Variants in ST18 observed in about 807,000 individuals in gnomAD.
The protein encoded by ST18 is suppression of tumorigenicity 18 protein.
A neutral mutation model predicts 110.0 loss-of-function variants in ST18; 50 were observed. The observed-to-expected ratio is 0.45, with a 90% confidence interval of 0.36 to 0.58. The LOEUF is 0.58. Among genes scored for constraint, ST18 ranks in the 20% least tolerant of loss-of-function variants. The pLI is 0.00. For synonymous variants in ST18, 461 were observed against 452.4 expected (o/e 1.02, Z -0.24); for missense variants, 1,306 against 1,280.1 (o/e 1.02, Z -0.31).
chr8:52,276,522 C>G (rs2139046798), intron 2 of ST18, among the ~76,000 whole-genome samples: 2 of 152,204 alleles, frequency 1.3e-5, no homozygotes, highest in Admixed American at 1.3e-4. Context: ...GCTGGACATT[C>G]CAGGAGCCTA....
intron 8 of ST18, among the ~76,000 whole-genome samples, chr8:52,187,570 T>C (rs1261658495): frequency 6.6e-6 from 1 of 152,240 alleles, no homozygotes; most frequent in Non-Finnish European, 1.5e-5. Flanking sequence ...GAACTTTATT[T>C]GGTTTAGAAT....
chr8:52,169,776 G>A (rs1008279678), intron 10 of ST18, among the ~76,000 whole-genome samples: 1 of 152,062 alleles, frequency 6.6e-6, no homozygotes, highest in Non-Finnish European at 1.5e-5. Context: ...CTTCAATGTG[G>A]GCTTCACCTT....
At chr8:52,202,004 T>C (rs970912284) in intron 8 of ST18, among the ~76,000 whole-genome samples, 2 of 152,210 alleles carry the variant, frequency 1.3e-5, no homozygotes, top group Non-Finnish European at 2.9e-5. Flanking sequence ...CAGAGTAGGC[T>C]GATTCGTAGT....
At chr8:52,133,185 C>G (rs756433749) in intron 20 of ST18, 48 bp from the exon 21 acceptor site, 1 of 1,614,178 alleles carries the variant, frequency 6.2e-7, no homozygotes. Context: ...TGTGATCTCT[C>G]TGACTGCTGC....
chr8:52,137,449 C>G lies in ST18; in HGVS notation c.2203G>C (p.Val735Leu). The part of the protein sequence containing the change: ...PTPGCDGSGH[V>L]TGNYASHRSV... Reference sequence around the variant, plus strand: ...CGATGAGATGCATAGTTTCCTGTCACGTGGCCACTTCCATCACATCCTGGT... The same window carrying G: ...CGATGAGATGCATAGTTTCCTGTCAGGTGGCCACTTCCATCACATCCTGGT... The change falls in exon 18 of 26, where the codon GTG becomes CTG. Residue 735 changes from valine to leucine, a missense_variant. Coordinates refer to ENST00000689386, the MANE Select transcript of ST18 (RefSeq NM_001352837.2). The G allele has an allele frequency of 6.2e-7, 1 of 1,614,120 alleles. No individual in the cohort carries two copies. The highest frequency in any genetic ancestry group is 8.5e-7 in the Non-Finnish European group (1 of 1,180,026).
chr8:52,232,845 C>T (rs2091802713), intron 2 of ST18, among the ~76,000 whole-genome samples: 1 of 151,580 alleles, frequency 6.6e-6, no homozygotes, highest in South Asian at 2.1e-4. Flanking sequence ...AAGTCATTTA[C>T]CAAGCAGAAG....
At chr8:52,138,887 T>C (rs1263291841) in intron 17 of ST18, among the ~76,000 whole-genome samples, 1 of 152,222 alleles carries the variant, frequency 6.6e-6, no homozygotes, top group Non-Finnish European at 1.5e-5. Flanking sequence ...CATTTTGGGA[T>C]AAACTAACGC....
intron 8 of ST18, among the ~76,000 whole-genome samples, chr8:52,205,752 G>C (rs11985757): frequency 0.12 from 18,557 of 151,934 alleles, 1,265 homozygotes; most frequent in Middle Eastern, 0.22. Context: ...ATTTTTAGTA[G>C]AGAAAGGGTT....
At chr8:52,243,314 A>G (rs1306414619) in intron 2 of ST18, among the ~76,000 whole-genome samples, 3 of 152,198 alleles carry the variant, frequency 2.0e-5, no homozygotes, top group African/African-American at 7.2e-5. Flanking sequence ...AATGTGACAG[A>G]TGCTATTAAT....
chr8:52,336,297 G>T (rs551616720), intron 2 of ST18, among the ~76,000 whole-genome samples: 1 of 151,946 alleles, frequency 6.6e-6, no homozygotes, highest in African/African-American at 2.4e-5. Context: ...TTACAGGTGC[G>T]CACCACCACA....
chr8:52,228,823 G>A (rs1162588586), intron 3 of ST18, among the ~76,000 whole-genome samples: 1 of 152,056 alleles, frequency 6.6e-6, no homozygotes, highest in Non-Finnish European at 1.5e-5. Context: ...TTCTTTGACT[G>A]TCAGGTCTCT....
intron 2 of ST18, among the ~76,000 whole-genome samples, chr8:52,237,793 T>G (rs181947191): frequency 6.6e-6 from 1 of 152,202 alleles, no homozygotes; most frequent in Non-Finnish European, 1.5e-5. Context: ...GAAGAAAGGA[T>G]GCAAAACCAT....
At chr8:52,121,166 A>G (rs979738834) in intron 23 of ST18, among the ~76,000 whole-genome samples, 2 of 152,176 alleles carry the variant, frequency 1.3e-5, no homozygotes, top group African/African-American at 4.8e-5. Context: ...GCTGAGGGCC[A>G]ATGTTCCTGA....
chr8:52,163,422 A>G (rs2061965699), intron 13 of ST18, among the ~76,000 whole-genome samples: 1 of 152,216 alleles, frequency 6.6e-6, no homozygotes, highest in South Asian at 2.1e-4. Context: ...TATATACTTT[A>G]GTATTTAGAT....
intron 2 of ST18, among the ~76,000 whole-genome samples, chr8:52,386,774 A>C (rs1836952097): frequency 6.6e-6 from 1 of 152,160 alleles, no homozygotes; most frequent in African/African-American, 2.4e-5. Context: ...TGTGCCAGTC[A>C]AAGCAACCAC....
chr8:52,344,492 C>T (rs1269566335), intron 2 of ST18, among the ~76,000 whole-genome samples: 1 of 152,096 alleles, frequency 6.6e-6, no homozygotes. Context: ...CCTCCACCTC[C>T]CGGGTTCAAG....
intron 2 of ST18, among the ~76,000 whole-genome samples, chr8:52,387,750 G>C (rs1326784212): frequency 1.3e-5 from 2 of 152,086 alleles, no homozygotes; most frequent in African/African-American, 4.8e-5. Context: ...TGCCTGCCAG[G>C]AATGTCTGGA....
chr8:52,196,108 T>C (rs913507021), intron 8 of ST18, among the ~76,000 whole-genome samples: 4 of 152,096 alleles, frequency 2.6e-5, no homozygotes, highest in Non-Finnish European at 5.9e-5. Context: ...AAAGCAAAAA[T>C]GACTTGGGTG....
At chr8:52,381,029 G>T (rs1354598302) in intron 2 of ST18, among the ~76,000 whole-genome samples, 1 of 152,166 alleles carries the variant, frequency 6.6e-6, no homozygotes, top group Non-Finnish European at 1.5e-5. Flanking sequence ...AAGAGAAGAG[G>T]CAGGTTATAA....
Sources: gnomAD v4.1 joint callset for allele counts (sites outside exome capture counted in the v4.1 genomes callset) on GRCh38, gnomAD v4.1.1 for gene constraint, MANE v1.5 for transcripts, NCBI Gene and HGNC (gene_info 2026-07-23, HGNC 2026-07-21) for gene names.